Variants in ERC2 observed in about 807,000 individuals in gnomAD.
ERC2 encodes the protein ELKS/RAB6-interacting/CAST family member 2, also known as ERC protein 2.
A neutral mutation model predicts 114.8 loss-of-function variants in ERC2; 42 were observed. The observed-to-expected ratio is 0.37, with a 90% CI of 0.29 to 0.47. The LOEUF is 0.47. ERC2 is among the 20% of genes least tolerant of loss of function. The pLI, the probability that ERC2 is intolerant of heterozygous loss-of-function variation, is 0.99. For synonymous variants in ERC2, 454 were observed against 425.5 expected (o/e 1.07, Z -0.82); for missense variants, 939 against 1,150.7 (o/e 0.82, Z 2.66).
chr3:56,298,819 A>T (rs973809804), intron 2 of ERC2, among the ~76,000 whole-genome samples: 14 of 152,170 alleles, frequency 9.2e-5, no homozygotes, highest in Admixed American at 2.0e-4. Flanking sequence ...AAAACCAACG[A>T]ATTTCACACT....
At chr3:55,596,937 A>G (rs2058166557) in intron 17 of ERC2, among the ~76,000 whole-genome samples, 1 of 152,242 alleles carries the variant, frequency 6.6e-6, no homozygotes, top group South Asian at 2.1e-4. Context: ...AGAGATTTAG[A>G]AGATTTATTA....
chr3:55,734,840 T>C lies in ERC2; in HGVS notation c.2643A>G (p.Lys881=). The change falls in exon 15 of 18, where the codon AAA becomes AAG. Residue 881 remains lysine (K), a synonymous_variant. Coordinates refer to ENST00000288221, the MANE Select transcript of ERC2 (RefSeq NM_015576.3). ...ALLELSASKK[K]KTQEEVMALK... ...GGGCCATGACTTCTTCCTGCGTCTT[T>C]TTCTTTTTGGAGGCAGACAATTCCA... 3.7e-6 allele frequency: 6 copies of C among 1,613,252 alleles called. No homozygotes were observed. The highest frequency in any genetic ancestry group is 5.1e-6 in the Non-Finnish European group (6 of 1,179,516).
At chr3:56,273,254 T>C (rs2053772426) in intron 3 of ERC2, among the ~76,000 whole-genome samples, 1 of 115,188 alleles carries the variant, frequency 8.7e-6, no homozygotes, top group Non-Finnish European at 1.9e-5. Flanking sequence ...CCCACTTTTT[T>C]TTTCTTTCTT....
intron 14 of ERC2, among the ~76,000 whole-genome samples, chr3:55,842,880 C>CTT (rs1466765613): frequency 1.3e-5 from 2 of 151,788 alleles, no homozygotes. Flanking sequence ...GAGATTAGTT[C>CTT]TATGCAGAAG....
At chr3:55,661,889 G>C (rs751490171) in intron 17 of ERC2, among the ~76,000 whole-genome samples, 18 of 151,962 alleles carry the variant, frequency 1.2e-4, no homozygotes, top group South Asian at 2.1e-4. Flanking sequence ...GTTAAATATG[G>C]ACTTTTCAAT....
At chr3:56,432,335 G>C (rs1223033485) in intron 2 of ERC2, among the ~76,000 whole-genome samples, 2 of 152,140 alleles carry the variant, frequency 1.3e-5, no homozygotes, top group African/African-American at 2.4e-5. Context: ...GTCCCTGCTT[G>C]CACCATTCCT....
chr3:55,675,666 G>C (rs2061752287), intron 17 of ERC2, among the ~76,000 whole-genome samples: 1 of 152,090 alleles, frequency 6.6e-6, no homozygotes, highest in Admixed American at 6.5e-5. Context: ...GCTCCCCAAA[G>C]AGGCCTCTGA....
intron 15 of ERC2, among the ~76,000 whole-genome samples, chr3:55,733,725 G>A (rs2065448738): frequency 6.6e-6 from 1 of 152,104 alleles, no homozygotes; most frequent in South Asian, 2.1e-4. Context: ...TATTCCTTCA[G>A]GCTTCCCTTC....
chr3:56,452,063 T>C (rs1338561758), intron 1 of ERC2, among the ~76,000 whole-genome samples: 1 of 152,170 alleles, frequency 6.6e-6, no homozygotes, highest in East Asian at 1.9e-4. Context: ...TATTAAAGAA[T>C]CTGCAAATCT....
intron 15 of ERC2, among the ~76,000 whole-genome samples, chr3:55,706,613 T>C (rs1233362403): frequency 2.0e-5 from 3 of 152,074 alleles, no homozygotes; most frequent in Non-Finnish European, 2.9e-5. Context: ...GGTTTCACCA[T>C]GTCAGCCAGG....
rs528082631 is a variant in ERC2 at position 56,186,746 on chromosome 3, C to T, written c.1075-13226G>A. 9.9e-5 allele frequency among the ~76,000 whole-genome samples: 15 copies of T among 152,210 alleles called. No homozygotes were observed. The South Asian group carries it at 2.9e-3, about 29-fold the overall frequency. ...TAGAGACAGGGTTTCACCATGTTGG[C>T]GAGACTGGTCATGAACTCTTGACCT... On this transcript the variant is annotated intron_variant, in intron 3 of 17. Transcript: ENST00000288221.
intron 2 of ERC2, among the ~76,000 whole-genome samples, chr3:56,325,035 C>T (rs1228263648): frequency 6.6e-6 from 1 of 152,026 alleles, no homozygotes; most frequent in African/African-American, 2.4e-5. Flanking sequence ...TCCTGCCATT[C>T]CCTAGTCCAT....
At chr3:56,195,502 T>TGTGC (rs1360806318) in intron 3 of ERC2, among the ~76,000 whole-genome samples, 1 of 150,882 alleles carries the variant, frequency 6.6e-6, no homozygotes, top group Non-Finnish European at 1.5e-5. Flanking sequence ...CGTGTGTGCG[T>TGTGC]GTGTGTGTGT....
chr3:56,216,356 T>A (rs1225417399), intron 3 of ERC2, among the ~76,000 whole-genome samples: 2 of 152,182 alleles, frequency 1.3e-5, no homozygotes, highest in African/African-American at 4.8e-5. Context: ...CAGAGAATAC[T>A]ACAAACACCT....
At chr3:55,971,662 G>T (rs1305631186) in intron 12 of ERC2, among the ~76,000 whole-genome samples, 1 of 152,168 alleles carries the variant, frequency 6.6e-6, no homozygotes, top group East Asian at 1.9e-4. Context: ...ATGCCAGAAA[G>T]GAACTGAAAT....
At chr3:56,449,074 C>A (rs377432095) in intron 1 of ERC2, among the ~76,000 whole-genome samples, 379 of 112,146 alleles carry the variant, frequency 3.4e-3, no homozygotes, top group South Asian at 4.6e-3. Flanking sequence ...GACTCCATCT[C>A]AAAAAAAAAA....
rs1199359580 is a variant in ERC2, at chr3:56,453,359, AG to A, written c.-141+14888del. On this transcript the variant is annotated intron_variant, in intron 1 of 17. Coordinates refer to ENST00000288221, the MANE Select transcript of ERC2 (RefSeq NM_015576.3). ...TCCTTCAGCCTGTGTCCCAGAATAA[AG>A]ATAACATGGAGCAGAATCACAGACA... Among the ~76,000 whole-genome samples the A allele has an allele frequency of 2.6e-5, 4 of 152,234 alleles. No homozygotes were observed. In the East Asian group the frequency reaches 7.7e-4, roughly 29 times the overall value.
Position 56,270,460 on chromosome 3 carries a change from G to A in ERC2, c.1074+25559C>T, listed in dbSNP as rs146723416. Among the ~76,000 whole-genome samples the A allele has an allele frequency of 3.4e-3, 524 of 152,244 alleles. 2 individuals are homozygous for A. The highest frequency in any genetic ancestry group is 0.011 in the African/African-American group (471 of 41,540). On this transcript the variant is annotated intron_variant, in intron 3 of 17. Transcript: ENST00000288221. ...GGAGGAAGGATAGCCCATATTTAGGGTGGGGCCATGTGAGGGATGAATACC... is the reference window on the plus strand; with the variant it reads ...GGAGGAAGGATAGCCCATATTTAGGATGGGGCCATGTGAGGGATGAATACC...
At chr3:55,926,558 T>C (rs1223473441) in intron 13 of ERC2, among the ~76,000 whole-genome samples, 1 of 152,196 alleles carries the variant, frequency 6.6e-6, no homozygotes, top group Non-Finnish European at 1.5e-5. Flanking sequence ...GTACCTATGT[T>C]CCATGGACTA....
Sources: gnomAD v4.1 joint callset for allele counts (sites outside exome capture counted in the v4.1 genomes callset) on GRCh38, gnomAD v4.1.1 for gene constraint, MANE v1.5 for transcripts, NCBI Gene and HGNC (gene_info 2026-07-23, HGNC 2026-07-21) for gene names.